The following CSMD1 variants were observed in gnomAD, a reference collection of about 807,000 sequenced individuals.
The protein encoded by CSMD1 is CUB and Sushi multiple domains 1.
Under a neutral mutation model 417.5 loss-of-function variants are expected in CSMD1, and 213 were observed. That is an observed-to-expected ratio of 0.51 (90% CI 0.46 to 0.57). The LOEUF (loss-of-function observed/expected upper bound fraction) is 0.57, where lower values mean the gene tolerates loss of function less well. Ranked by LOEUF, CSMD1 falls within the 20% of genes least tolerant of loss-of-function variation. The pLI is 0.00. For missense variants in CSMD1, 6,923 were observed against 4,529.7 expected (o/e 1.53, Z -15.17); for synonymous variants, 2,862 against 1,736.8 (o/e 1.65, Z -16.11).
chr8:3,889,999 T>C (rs906072701), intron 5 of CSMD1, among the ~76,000 whole-genome samples: 4 of 152,224 alleles, frequency 2.6e-5, no homozygotes, highest in South Asian at 2.1e-4. Context: ...CCTGGGAATA[T>C]AGGGAGATCC....
At chr8:4,232,505 G>C (rs147542205) in intron 3 of CSMD1, among the ~76,000 whole-genome samples, 1 of 151,972 alleles carries the variant, frequency 6.6e-6, no homozygotes, top group South Asian at 2.1e-4. Context: ...AGCCACACAT[G>C]TCCTTTAAAT....
At chr8:4,824,306 A>T (rs937244453) in intron 1 of CSMD1, among the ~76,000 whole-genome samples, 1 of 152,118 alleles carries the variant, frequency 6.6e-6, no homozygotes, top group Non-Finnish European at 1.5e-5. Flanking sequence ...ATCAATTGAA[A>T]TAATACTTTG....
intron 1 of CSMD1, among the ~76,000 whole-genome samples, chr8:4,662,038 T>C (rs958607023): frequency 2.0e-5 from 3 of 152,144 alleles, no homozygotes; most frequent in African/African-American, 7.2e-5. Context: ...CATACACAGG[T>C]CAATGATGTA....
At chr8:3,542,456 GT>G (rs1798481002) in intron 10 of CSMD1, among the ~76,000 whole-genome samples, 1 of 152,188 alleles carries the variant, frequency 6.6e-6, no homozygotes, top group Non-Finnish European at 1.5e-5. Context: ...GAAACTGACA[GT>G]CTCTGACCTT....
chr8:3,685,108 G>A (rs2129030438), intron 7 of CSMD1, among the ~76,000 whole-genome samples: 1 of 152,246 alleles, frequency 6.6e-6, no homozygotes, highest in East Asian at 1.9e-4. Context: ...GTTCATTATA[G>A]AAAATGCATG....
chr8:4,624,404 T>G (rs1801976652), intron 2 of CSMD1, among the ~76,000 whole-genome samples: 1 of 152,100 alleles, frequency 6.6e-6, no homozygotes, highest in Non-Finnish European at 1.5e-5. Context: ...GTCAACTTCT[T>G]TGGATGCCTT....
rs545011171 is a variant in CSMD1 at position 4,859,108 on chromosome 8, G to A, written c.85+135224C>T. ...ACAGAACAGAGCCCTCAGAAATAAT[G>A]TCACATATCTGCAACTATCTGATCT... On this transcript the variant is annotated intron_variant, in intron 1 of 69. Coordinates refer to ENST00000635120, the MANE Select transcript of CSMD1 (RefSeq NM_033225.6). 9.6e-4 allele frequency among the ~76,000 whole-genome samples: 146 copies of A among 152,200 alleles called. 1 individual carries two copies. Among genetic ancestry groups the A allele is most frequent in the Non-Finnish European group, 1.5e-3 (104 of 68,018 alleles).
intron 5 of CSMD1, among the ~76,000 whole-genome samples, chr8:3,948,582 G>C (rs996477800): frequency 1.3e-5 from 2 of 152,030 alleles, no homozygotes; most frequent in African/African-American, 4.8e-5. Context: ...ACTTGCTCAT[G>C]ATAAACGATG....
At chr8:4,150,370 T>C (rs995206668) in intron 3 of CSMD1, among the ~76,000 whole-genome samples, 2 of 152,214 alleles carry the variant, frequency 1.3e-5, no homozygotes, top group African/African-American at 4.8e-5. Context: ...TGCAGCTGTC[T>C]TTTGTGCCTG....
chr8:3,118,656 G>C (rs1446769321), intron 41 of CSMD1, 69 bp from the exon 42 acceptor site: 1 of 1,410,468 alleles, frequency 7.1e-7, no homozygotes, highest in South Asian at 1.3e-5. Context: ...ATTTGCAGGA[G>C]TGTCATCACA....
In CSMD1 at chr8:3,536,397, C is replaced by A. The variant is rs777266908; in HGVS notation, c.1344+38548G>T. Among the ~76,000 whole-genome samples, 6 of 152,176 alleles carry A rather than the reference C, an allele frequency of 3.9e-5. No homozygotes were observed. The South Asian group carries it at 1.2e-3, about 32-fold the overall frequency. On this transcript the variant is annotated intron_variant, in intron 10 of 69. Transcript: ENST00000635120. ...CCATGACCATTGATTCTACTACGTG[C>A]AACTGTAGAGGAAGAATGGGCTTAG...
chr8:3,191,561 C>T (rs1796425653), intron 33 of CSMD1, among the ~76,000 whole-genome samples: 1 of 152,090 alleles, frequency 6.6e-6, no homozygotes, highest in Admixed American at 6.6e-5. Context: ...CAAGCAAAAA[C>T]CCAGGGATAT....
At chr8:3,216,902 T>C (rs545021765) in intron 29 of CSMD1, among the ~76,000 whole-genome samples, 1 of 152,358 alleles carries the variant, frequency 6.6e-6, no homozygotes, top group South Asian at 2.1e-4. Flanking sequence ...CACCAGCACT[T>C]GCTCTGGGCT....
At chr8:4,028,036 G>C (rs887444613) in intron 4 of CSMD1, among the ~76,000 whole-genome samples, 2 of 152,144 alleles carry the variant, frequency 1.3e-5, no homozygotes. Flanking sequence ...TGGGATACAG[G>C]TTTAGGTTTT....
chr8:4,614,381 GA>G (rs1180322412), intron 2 of CSMD1, among the ~76,000 whole-genome samples: 4 of 152,146 alleles, frequency 2.6e-5, no homozygotes, highest in African/African-American at 9.7e-5. Flanking sequence ...TGATGAGGTT[GA>G]CAGAAAACAG....
intron 26 of CSMD1, among the ~76,000 whole-genome samples, chr8:3,267,120 CACCCA>C (rs374716351): frequency 2.4e-4 from 36 of 152,194 alleles, no homozygotes; most frequent in African/African-American, 8.4e-4. Flanking sequence ...AAGAGGCTTC[CACCCA>C]GAGGTCGTCC....
intron 8 of CSMD1, among the ~76,000 whole-genome samples, chr8:3,595,512 G>A (rs1472211335): frequency 6.6e-6 from 1 of 152,138 alleles, no homozygotes; most frequent in Admixed American, 6.6e-5. Context: ...GGAAAGAAAG[G>A]AAACTAATAT....
At chr8:3,476,736 G>C (rs1817449886) in intron 11 of CSMD1, among the ~76,000 whole-genome samples, 1 of 151,758 alleles carries the variant, frequency 6.6e-6, no homozygotes, top group Non-Finnish European at 1.5e-5. Flanking sequence ...TGGCCAACAT[G>C]ATCAAACTCC....
chr8:3,271,600 C>G (rs1260335776), intron 26 of CSMD1, among the ~76,000 whole-genome samples: 9 of 151,976 alleles, frequency 5.9e-5, no homozygotes, highest in East Asian at 3.9e-4. Flanking sequence ...GTTGTTTCCT[C>G]ACTTTTTAAT....
Sources: gnomAD v4.1 joint callset for allele counts (sites outside exome capture counted in the v4.1 genomes callset) on GRCh38, gnomAD v4.1.1 for gene constraint, MANE v1.5 for transcripts, NCBI Gene and HGNC (gene_info 2026-07-23, HGNC 2026-07-21) for gene names.